Variants in ROBO2 observed in about 807,000 individuals in gnomAD.
The protein encoded by ROBO2 is roundabout guidance receptor 2.
ROBO2 carries 53 observed loss-of-function variants against 160.8 expected under a neutral mutation model. That is an observed-to-expected ratio of 0.33 (90% CI 0.26 to 0.41). ROBO2 has a LOEUF of 0.41. ROBO2 is among the 10% of genes least tolerant of loss of function. The pLI is 1.00. For synonymous variants in ROBO2, 664 were observed against 611.7 expected (o/e 1.09, Z -1.26); for missense variants, 1,577 against 1,722.4 (o/e 0.92, Z 1.49).
chr3:76,621,016 G>T (rs1403371606), intron 2 of ROBO2, among the ~76,000 whole-genome samples: 1 of 152,106 alleles, frequency 6.6e-6, no homozygotes, highest in African/African-American at 2.4e-5. Context: ...ACTCTGTTGC[G>T]ATTTTCAGTC....
At chr3:76,621,450 G>C (rs2089072380) in intron 2 of ROBO2, among the ~76,000 whole-genome samples, 1 of 152,168 alleles carries the variant, frequency 6.6e-6, no homozygotes, top group African/African-American at 2.4e-5. Context: ...GGCTGGTAAA[G>C]CCAAGAATGG....
At chr3:76,532,748 T>G (rs534208019) in intron 2 of ROBO2, among the ~76,000 whole-genome samples, 1 of 152,126 alleles carries the variant, frequency 6.6e-6, no homozygotes, top group Admixed American at 6.5e-5. Context: ...ATAAAACCAG[T>G]GCAAAAAGGG....
Position 76,670,900 on chromosome 3 carries a change from C to A in ROBO2, c.110-427114C>A, listed in dbSNP as rs1024702848. On this transcript the variant is annotated intron_variant, in intron 2 of 26. Coordinates refer to the ROBO2 transcript ENST00000487694. ...GGTCATTTTGTTTGCTTAATGAACCCTTAAAATGAATGATTTATTTTAGAT... is the reference window on the plus strand; with the variant it reads ...GGTCATTTTGTTTGCTTAATGAACCATTAAAATGAATGATTTATTTTAGAT... Among the ~76,000 whole-genome samples the A allele has an allele frequency of 8.1e-5, 12 of 149,034 alleles. No homozygotes were observed. The Admixed American group carries it at 8.1e-4, about 10-fold the overall frequency.
At chr3:77,337,978 C>T (rs939575315) in intron 2 of ROBO2, among the ~76,000 whole-genome samples, 5 of 152,136 alleles carry the variant, frequency 3.3e-5, no homozygotes, top group Non-Finnish European at 7.4e-5. Flanking sequence ...GTTGATGTTT[C>T]ATTTCAGCAT....
At chr3:76,215,829 G>A (rs577716254) in intron 2 of ROBO2, among the ~76,000 whole-genome samples, 6 of 152,028 alleles carry the variant, frequency 3.9e-5, no homozygotes, top group Admixed American at 2.0e-4. Flanking sequence ...GATAATCCTC[G>A]AGAAGAACAG....
At chr3:76,369,082 T>G (rs1049279644) in intron 2 of ROBO2, among the ~76,000 whole-genome samples, 1 of 152,020 alleles carries the variant, frequency 6.6e-6, no homozygotes, top group Non-Finnish European at 1.5e-5. Flanking sequence ...TAGAGTACTA[T>G]GTAAGCAGTG....
intron 2 of ROBO2, among the ~76,000 whole-genome samples, chr3:77,123,924 C>T (rs2075053731): frequency 7.1e-6 from 1 of 141,180 alleles, no homozygotes; most frequent in African/African-American, 2.6e-5. Flanking sequence ...TATAGATTAT[C>T]TATATAGATA....
intron 2 of ROBO2, among the ~76,000 whole-genome samples, chr3:77,331,771 T>C (rs1050873787): frequency 1.3e-5 from 2 of 152,290 alleles, no homozygotes; most frequent in East Asian, 3.9e-4. Context: ...TGGCGCGATA[T>C]GTCGGCTCAC....
chr3:77,583,788 A>T (rs888549933), intron 16 of ROBO2, among the ~76,000 whole-genome samples: 25 of 152,054 alleles, frequency 1.6e-4, no homozygotes, highest in Non-Finnish European at 7.4e-5. Flanking sequence ...TGATCTTTTG[A>T]AGCATGTTTG....
chr3:76,452,305 C>A (rs149345539), intron 2 of ROBO2, among the ~76,000 whole-genome samples: 3,839 of 152,098 alleles, frequency 0.025, 69 homozygotes, highest in South Asian at 0.047. Context: ...TTAGGTGTAT[C>A]TCCTAATGCT....
chr3:76,371,137 T>C (rs2076078479), intron 2 of ROBO2, among the ~76,000 whole-genome samples: 1 of 151,984 alleles, frequency 6.6e-6, no homozygotes, highest in Non-Finnish European at 1.5e-5. Flanking sequence ...TATACATTTA[T>C]GAAACTAGTC....
intron 2 of ROBO2, among the ~76,000 whole-genome samples, chr3:76,302,456 C>A (rs923928620): frequency 2.0e-5 from 3 of 151,998 alleles, no homozygotes; most frequent in Non-Finnish European, 4.4e-5. Flanking sequence ...TATTATAGTA[C>A]CCTAGAAGGC....
intron 19 of ROBO2, among the ~76,000 whole-genome samples, chr3:77,600,921 T>C (rs1182521464): frequency 2.6e-5 from 4 of 152,186 alleles, no homozygotes; most frequent in African/African-American, 9.6e-5. Context: ...AGTTAAAATA[T>C]GTTTAACAAC....
intron 2 of ROBO2, among the ~76,000 whole-genome samples, chr3:77,104,846 G>C (rs1393929219): frequency 6.6e-6 from 1 of 152,014 alleles, no homozygotes; most frequent in Admixed American, 6.6e-5. Flanking sequence ...TAAAAATATA[G>C]AACAATTAAC....
At chr3:76,582,924 T>G (rs2085792173) in intron 2 of ROBO2, among the ~76,000 whole-genome samples, 1 of 152,104 alleles carries the variant, frequency 6.6e-6, no homozygotes, top group South Asian at 2.1e-4. Context: ...ATTTACTTCT[T>G]TGCTACATAG....
At chr3:77,390,861 A>G (rs1192651903) in intron 2 of ROBO2, among the ~76,000 whole-genome samples, 6 of 152,120 alleles carry the variant, frequency 3.9e-5, no homozygotes, top group African/African-American at 1.2e-4. Context: ...TGAGTTCCCA[A>G]CATCCCAACA....
intron 2 of ROBO2, among the ~76,000 whole-genome samples, chr3:76,407,501 A>G (rs1256105730): frequency 6.6e-6 from 1 of 151,956 alleles, no homozygotes; most frequent in Non-Finnish European, 1.5e-5. Context: ...AATACTGGAA[A>G]TGGCATAAAA....
intron 1 of ROBO2, among the ~76,000 whole-genome samples, chr3:75,925,296 G>A (rs1441017396): frequency 3.3e-5 from 5 of 151,946 alleles, no homozygotes; most frequent in African/African-American, 7.2e-5. Flanking sequence ...CGGAGGCTGC[G>A]GTGAAAGGAT....
chr3:76,573,040 T>C (rs1310526065), intron 2 of ROBO2, among the ~76,000 whole-genome samples: 1 of 152,170 alleles, frequency 6.6e-6, no homozygotes, highest in East Asian at 1.9e-4. Flanking sequence ...TGGTTTTTGT[T>C]GGGCTCATTT....
Sources: gnomAD v4.1 joint callset for allele counts (sites outside exome capture counted in the v4.1 genomes callset) on GRCh38, gnomAD v4.1.1 for gene constraint, MANE v1.5 for transcripts, NCBI Gene and HGNC (gene_info 2026-07-23, HGNC 2026-07-21) for gene names.